The following EVC2 variants were observed in gnomAD, a reference collection of about 807,000 sequenced individuals.
EVC2 encodes limbin.
A neutral mutation model predicts 149.3 loss-of-function variants in EVC2; 148 were observed. That is an observed-to-expected ratio of 0.99 (90% confidence interval 0.87 to 1.14). EVC2 has a LOEUF of 1.14. Ranked by LOEUF, EVC2 falls within the 50% of genes most tolerant of loss-of-function variation. EVC2 has a pLI of 0.00. For missense variants in EVC2, 1,854 were observed against 1,627.3 expected, an observed-to-expected ratio of 1.14 and a Z score of -2.40; for synonymous variants, 776 against 649.9, an observed-to-expected ratio of 1.19 and a Z score of -2.95.
intron 19 of EVC2, 68 bp downstream of exon 19, chr4:5,574,617 A>C (rs1722809492): frequency 6.7e-7 from 1 of 1,490,594 alleles, no homozygotes; most frequent in African/African-American, 1.4e-5. Flanking sequence ...GGAAATGTGG[A>C]TTCTGAGAAA....
downstream of EVC2, among the ~76,000 whole-genome samples, chr4:5,542,158 T>A (rs1721525949): frequency 6.6e-6 from 1 of 152,162 alleles, no homozygotes; most frequent in Non-Finnish European, 1.5e-5. Flanking sequence ...GCACCCTGAT[T>A]TCCTGTTTGC....
downstream of EVC2, among the ~76,000 whole-genome samples, chr4:5,539,342 T>A (rs908903792): frequency 6.6e-6 from 1 of 150,540 alleles, no homozygotes; most frequent in South Asian, 2.3e-4. Context: ...CAATATTTGT[T>A]AAGATGTAAA....
rs928350553 is a variant in EVC2, at chr4:5,613,930, G to A, written c.2829+1492C>T. On this transcript the variant is annotated intron_variant, in intron 16 of 21. Coordinates refer to ENST00000344408, the MANE Select transcript of EVC2 (RefSeq NM_147127.5). This position sits in a 1 kb window ranked among gnomAD's most constrained non-coding sequence, Gnocchi z 4.6. ...AGTTTCTATGGCTCTTGGCGAGATCGTGCATTCGTGTTCTGAGAAATACAC... is the reference window on the plus strand; with the variant it reads ...AGTTTCTATGGCTCTTGGCGAGATCATGCATTCGTGTTCTGAGAAATACAC... 1.3e-5 allele frequency among the ~76,000 whole-genome samples: 2 copies of A among 152,128 alleles called. No homozygotes were observed. The highest frequency in any genetic ancestry group is 6.5e-5 in the Admixed American group (1 of 15,276).
intron 16 of EVC2, among the ~76,000 whole-genome samples, chr4:5,602,975 G>A (rs971554151): frequency 3.3e-5 from 5 of 152,260 alleles, no homozygotes; most frequent in Middle Eastern, 3.4e-3. Flanking sequence ...TGCATGGCTG[G>A]GGGAAGCTGC....
chr4:5,628,924 A>C (rs1410693161), intron 11 of EVC2, among the ~76,000 whole-genome samples, 190 bp from the exon 12 acceptor site: 1 of 152,214 alleles, frequency 6.6e-6, no homozygotes, highest in African/African-American at 2.4e-5. Flanking sequence ...ATAAGAAATG[A>C]GGGCTTTGAA....
At chr4:5,542,176 G>C (rs1331686827), downstream of EVC2, among the ~76,000 whole-genome samples, 1 of 152,176 alleles carries the variant, frequency 6.6e-6, no homozygotes, top group East Asian at 1.9e-4. Flanking sequence ...TGCAGGTAGG[G>C]TGTGGTCACT....
chr4:5,593,591 A>C (rs113579031), intron 16 of EVC2, among the ~76,000 whole-genome samples: 27,253 of 152,132 alleles, frequency 0.18, 3,043 homozygotes, highest in East Asian at 0.61. Flanking sequence ...GGGGTGGAGC[A>C]AAGATGGCCG....
At chr4:5,603,312 C>T (rs1216779121) in intron 16 of EVC2, among the ~76,000 whole-genome samples, 1 of 152,106 alleles carries the variant, frequency 6.6e-6, no homozygotes. Flanking sequence ...ACAGAGGCTG[C>T]CTCAAGGGAT....
intron 17 of EVC2, among the ~76,000 whole-genome samples, chr4:5,583,620 G>T (rs1249175570): frequency 1.3e-5 from 2 of 151,662 alleles, no homozygotes; most frequent in African/African-American, 2.4e-5. Context: ...TTCAGTTTTT[G>T]AATTCATCTG....
chr4:5,615,564 G>A lies in EVC2; in HGVS notation c.2707-20C>T. The A allele has an allele frequency of 6.2e-7, 1 of 1,614,168 alleles. No individual in the cohort carries two copies. Among genetic ancestry groups the A allele is most frequent in the Non-Finnish European group, 8.5e-7 (1 of 1,180,008 alleles). ...CTGTTGCTGGAGAGGGGTTGGGGAAGACGTGGGTAAGAAGGCAATCACCAG... is the reference window on the plus strand; with the variant it reads ...CTGTTGCTGGAGAGGGGTTGGGGAAAACGTGGGTAAGAAGGCAATCACCAG... On this transcript the variant is annotated intron_variant, in intron 15 of 21. Coordinates refer to ENST00000344408, the MANE Select transcript of EVC2 (RefSeq NM_147127.5).
chr4:5,594,121 T>C (rs561468384), intron 16 of EVC2, among the ~76,000 whole-genome samples: 1 of 152,166 alleles, frequency 6.6e-6, no homozygotes, highest in African/African-American at 2.4e-5. Flanking sequence ...CCTGCCTCTG[T>C]AGGCTCCACC....
At chr4:5,665,696 T>C in intron 7 of EVC2, 47 bp from the exon 8 acceptor site, 2 of 1,606,706 alleles carry the variant, frequency 1.2e-6, no homozygotes, top group Non-Finnish European at 1.7e-6. Context: ...TCAGACAGCA[T>C]GTCTCCCAGG....
At chr4:5,585,382 TCTA>T (rs139573397) in intron 16 of EVC2, among the ~76,000 whole-genome samples, 249 of 152,298 alleles carry the variant, frequency 1.6e-3, no homozygotes, top group African/African-American at 5.6e-3. Flanking sequence ...TTCCTGAAAT[TCTA>T]CTATTTGTCT....
chr4:5,557,973 G>A (rs901526600), downstream of EVC2, among the ~76,000 whole-genome samples: 5 of 152,066 alleles, frequency 3.3e-5, no homozygotes, highest in African/African-American at 1.2e-4. Flanking sequence ...TTGTGGAGAT[G>A]TCAATTCTTC....
the EVC2 span, among the ~76,000 whole-genome samples, chr4:5,534,330 G>T: frequency 6.6e-6 from 1 of 152,184 alleles, no homozygotes; most frequent in Non-Finnish European, 1.5e-5. Context: ...CACAGCAGAT[G>T]CTCCAGCAAC....
downstream of EVC2, among the ~76,000 whole-genome samples, chr4:5,558,520 T>C (rs1721881269): frequency 6.6e-6 from 1 of 152,240 alleles, no homozygotes; most frequent in South Asian, 2.1e-4. Flanking sequence ...TATACAATCA[T>C]TTTAACAAAT....
At chr4:5,564,465 CAAG>C (rs1385516624) in intron 21 of EVC2, among the ~76,000 whole-genome samples, 3 of 152,184 alleles carry the variant, frequency 2.0e-5, no homozygotes, top group African/African-American at 4.8e-5. Context: ...CTAATGGTTC[CAAG>C]CGCTTTATCA....
chr4:5,681,249 A>G lies in EVC2; in HGVS notation c.870+11T>C. 6.2e-7 allele frequency: 1 copy of G among 1,614,206 alleles called. No homozygotes were observed. The highest frequency in any genetic ancestry group is 8.5e-7 in the Non-Finnish European group (1 of 1,180,026). On this transcript the variant is annotated intron_variant, in intron 7 of 21. Coordinates refer to ENST00000344408, the MANE Select transcript of EVC2 (RefSeq NM_147127.5). Reference sequence around the variant, plus strand: ...GTCCTGAGGGTGCTCAGGGCATGTCATGTCTCTTACCGTTACGTTTTCTTC... The same window carrying G: ...GTCCTGAGGGTGCTCAGGGCATGTCGTGTCTCTTACCGTTACGTTTTCTTC...
intron 21 of EVC2, among the ~76,000 whole-genome samples, chr4:5,563,910 T>A (rs1409738795): frequency 6.6e-6 from 1 of 151,618 alleles, no homozygotes; most frequent in Non-Finnish European, 1.5e-5. Context: ...TTTGAGAATG[T>A]CCCATAAAAA....
Sources: allele counts gnomAD v4.1 joint callset (sites outside exome capture counted in the v4.1 genomes callset), GRCh38; gene constraint gnomAD v4.1.1; non-coding constraint Gnocchi (gnomAD v3.1); transcripts MANE v1.5; gene names NCBI Gene and HGNC (gene_info 2026-07-23, HGNC 2026-07-21).